The following NCAM2 variants were observed in gnomAD, a reference collection of about 807,000 sequenced individuals.
The protein encoded by NCAM2 is neural cell adhesion molecule 2, also known as N-CAM-2.
Under a neutral mutation model 98.1 loss-of-function variants are expected in NCAM2, and 30 were observed. That is an observed-to-expected ratio of 0.31 (90% CI 0.23 to 0.41). NCAM2 has a LOEUF of 0.41. NCAM2 is among the 10% of genes least tolerant of loss of function. NCAM2 has a pLI of 1.00. For synonymous variants in NCAM2, 368 were observed against 342.4 expected (o/e 1.07, Z -0.83); for missense variants, 867 against 1,005.8 (o/e 0.86, Z 1.87).
chr21:21,508,235 T>C (rs966571653), intron 15 of NCAM2, among the ~76,000 whole-genome samples: 1 of 152,142 alleles, frequency 6.6e-6, no homozygotes, highest in Admixed American at 6.6e-5. Context: ...TAATCTAATA[T>C]ATTTGTTAAA....
chr21:21,363,407 A>T (rs2075698370), intron 8 of NCAM2, among the ~76,000 whole-genome samples: 1 of 152,094 alleles, frequency 6.6e-6, no homozygotes, highest in Admixed American at 6.6e-5. Flanking sequence ...AATTTGCCTC[A>T]ATTTTCCCTG....
At chr21:21,411,138 A>ATATATATACACACATATATG (rs2076875072) in intron 10 of NCAM2, among the ~76,000 whole-genome samples, 10 of 53,488 alleles carry the variant, frequency 1.9e-4, no homozygotes, top group Non-Finnish European at 3.8e-4. Flanking sequence ...ATATATATGT[A>ATATATATACACACATATATG]TATATATATA....
chr21:21,348,474 G>A (rs935648896), intron 8 of NCAM2, among the ~76,000 whole-genome samples: 1 of 151,880 alleles, frequency 6.6e-6, no homozygotes, highest in Non-Finnish European at 1.5e-5. Flanking sequence ...GAAAAATATT[G>A]TATGTTCATG....
intron 16 of NCAM2, among the ~76,000 whole-genome samples, chr21:21,521,471 T>A (rs906057589): frequency 6.6e-6 from 1 of 152,130 alleles, no homozygotes; most frequent in Non-Finnish European, 1.5e-5. Flanking sequence ...GATGGCGATG[T>A]TGGAATTATC....
At chr21:21,025,448 T>C (rs1436423761) in intron 1 of NCAM2, among the ~76,000 whole-genome samples, 1 of 152,184 alleles carries the variant, frequency 6.6e-6, no homozygotes, top group African/African-American at 2.4e-5. Flanking sequence ...ACGTCATTTC[T>C]AAGATAGTGA....
chr21:21,515,322 A>G (rs1988650412), intron 16 of NCAM2, among the ~76,000 whole-genome samples: 1 of 152,194 alleles, frequency 6.6e-6, no homozygotes, highest in African/African-American at 2.4e-5. Context: ...ACTTGTGAGA[A>G]AATGAGTGCA....
chr21:21,423,647 C>A (rs910686259), intron 11 of NCAM2, among the ~76,000 whole-genome samples: 1 of 152,070 alleles, frequency 6.6e-6, no homozygotes, highest in Non-Finnish European at 1.5e-5. Flanking sequence ...TAAGGGAGGT[C>A]TCTGATACTG....
intron 15 of NCAM2, among the ~76,000 whole-genome samples, chr21:21,483,531 T>A (rs1461103246): frequency 6.6e-6 from 1 of 152,082 alleles, no homozygotes; most frequent in African/African-American, 2.4e-5. Flanking sequence ...CATCACTAGA[T>A]AATTCAACAT....
chr21:21,410,650 A>G (rs2076838540), intron 10 of NCAM2, among the ~76,000 whole-genome samples, 189 bp downstream of exon 10: 1 of 152,032 alleles, frequency 6.6e-6, no homozygotes, highest in Admixed American at 6.6e-5. Context: ...ATGTCTATTC[A>G]CTTATATAGC....
At chr21:21,317,735 A>G (rs1335765489) in intron 5 of NCAM2, among the ~76,000 whole-genome samples, 1 of 151,716 alleles carries the variant, frequency 6.6e-6, no homozygotes, top group African/African-American at 2.4e-5. Context: ...GGCTCTCATT[A>G]TGTTTCTCAG....
chr21:21,108,560 G>T (rs1483955922), intron 1 of NCAM2, among the ~76,000 whole-genome samples: 7 of 152,036 alleles, frequency 4.6e-5, no homozygotes, highest in Non-Finnish European at 1.0e-4. Context: ...AAGGTGAATT[G>T]AATTTATCAA....
intron 1 of NCAM2, among the ~76,000 whole-genome samples, chr21:21,092,078 A>G (rs1235321607): frequency 1.3e-5 from 2 of 152,126 alleles, no homozygotes; most frequent in Non-Finnish European, 2.9e-5. Context: ...TTATTTGTGT[A>G]TGGAATGGAT....
At chr21:21,288,676 T>A (rs2073187127) in intron 4 of NCAM2, among the ~76,000 whole-genome samples, 2 of 151,986 alleles carry the variant, frequency 1.3e-5, no homozygotes, top group South Asian at 4.1e-4. Context: ...TGAAATAATA[T>A]TATTCACTGC....
At chr21:21,375,785 TGA>T (rs1406227279) in intron 9 of NCAM2, among the ~76,000 whole-genome samples, 1 of 151,760 alleles carries the variant, frequency 6.6e-6, no homozygotes, top group East Asian at 1.9e-4. Flanking sequence ...ATGATTTATA[TGA>T]GACCTCCTGG....
intron 1 of NCAM2, among the ~76,000 whole-genome samples, chr21:21,045,521 C>G (rs1444331150): frequency 6.6e-6 from 1 of 152,040 alleles, no homozygotes; most frequent in Non-Finnish European, 1.5e-5. Context: ...TGATGGCCCA[C>G]ACCTGTCGTC....
In NCAM2 at chr21:21,268,199, G is replaced by T. The variant is rs182789522; in HGVS notation, c.56-12379G>T. On this transcript the variant is annotated intron_variant, in intron 1 of 17. Transcript: ENST00000400546. ...TTTTGTTGGTGCTGAGGATTTTTCG[G>T]AGTTCAGCTCCATGTTCCATCCCAC... Among the ~76,000 whole-genome samples, 18 of 152,260 alleles carry T rather than the reference G, an allele frequency of 1.2e-4. 1 individual carries two copies. Among genetic ancestry groups the T allele is most frequent in the Admixed American group, 1.1e-3 (17 of 15,296 alleles).
chr21:21,024,395 A>T (rs2064498664), intron 1 of NCAM2, among the ~76,000 whole-genome samples: 1 of 152,180 alleles, frequency 6.6e-6, no homozygotes, highest in Non-Finnish European at 1.5e-5. Context: ...GGGGGGGAAA[A>T]AACAGAGAAA....
intron 1 of NCAM2, among the ~76,000 whole-genome samples, chr21:21,017,581 A>G (rs886619634): frequency 6.6e-6 from 1 of 152,094 alleles, no homozygotes; most frequent in African/African-American, 2.4e-5. Flanking sequence ...ATCCGGGTGC[A>G]TGCCTCGACC....
intron 12 of NCAM2, among the ~76,000 whole-genome samples, chr21:21,442,297 T>A (rs1979413754): frequency 1.3e-5 from 2 of 152,146 alleles, no homozygotes; most frequent in Admixed American, 1.3e-4. Context: ...GAAGAAGTTG[T>A]CAAATTCTAG....
Sources: gnomAD v4.1 joint callset for allele counts (sites outside exome capture counted in the v4.1 genomes callset) on GRCh38, gnomAD v4.1.1 for gene constraint, MANE v1.5 for transcripts, NCBI Gene and HGNC (gene_info 2026-07-23, HGNC 2026-07-21) for gene names.